Variants in LGI4 observed in about 807,000 individuals in gnomAD.
LGI4 encodes the protein leucine rich repeat LGI family member 4.
Under a neutral mutation model 48.3 loss-of-function variants are expected in LGI4, and 36 were observed. The observed-to-expected ratio is 0.75, with a 90% confidence interval of 0.57 to 0.98. LGI4 has a LOEUF of 0.98. Among genes scored for constraint, LGI4 ranks in the 50% least tolerant of loss-of-function variants. The pLI is 0.00. For synonymous variants in LGI4, 355 were observed against 331.6 expected, an observed-to-expected ratio of 1.07 and a Z score of -0.77; for missense variants, 701 against 732.1, an observed-to-expected ratio of 0.96 and a Z score of 0.49.
rs2065173424 is a variant in LGI4, at chr19:35,131,425, G to A, written c.589C>T (p.His197Tyr). Residue 197 changes from histidine to tyrosine, a missense_variant, in exon 6 of 9, where the codon CAC becomes TAC. By Grantham distance (83) the His-to-Tyr change is moderately conservative. Coordinates refer to ENST00000310123, the MANE Select transcript of LGI4 (RefSeq NM_139284.3). ...TTGAAAGTCTTGGGGTCGAGGTGGT[G>A]GAGCTGCATGTGGCTCAGGGAGGCG... is the stretch of plus-strand genomic sequence containing the variant. Reference protein sequence around the residue: ...GPASLSHMQLHHLDPKTFKCR... With the variant: ...GPASLSHMQLYHLDPKTFKCR... 1.3e-6 allele frequency: 2 copies of A among 1,552,360 alleles called. No individual in the cohort carries two copies. The highest frequency in any genetic ancestry group is 1.7e-6 in the Non-Finnish European group (2 of 1,147,220).
At chr19:35,133,534 A>C in intron 3 of LGI4, 159 bp downstream of exon 3, 2 of 1,460,780 alleles carry the variant, frequency 1.4e-6, no homozygotes, top group Non-Finnish European at 1.8e-6. Context: ...CCAAAGCATC[A>C]TCACCATTGG....
rs1409942857 is a variant in LGI4, at chr19:35,126,482, G to A, written c.1087C>T (p.Arg363Trp). 12 of 1,563,698 alleles carry A rather than the reference G, an allele frequency of 7.7e-6. No individual in the cohort carries two copies. The highest frequency in any genetic ancestry group is 3.5e-5 in the South Asian group (3 of 85,738). The change falls in exon 8 of 9, where the codon CGG (arginine) becomes TGG (tryptophan). Residue 363 changes from arginine to tryptophan, a missense_variant. Physicochemically the swap from Arg to Trp is moderately radical, Grantham distance 101. Around this residue, in one of 3 missense-constraint regions of LGI4, gnomAD observed 223 missense variants for 263.3 expected, o/e 0.85. Coordinates refer to ENST00000310123, the MANE Select transcript of LGI4 (RefSeq NM_139284.3). ...YPHQSLHAWH[R>W]DTDAEALELD... ...TCCAGGGCCTCAGCGTCCGTGTCCCGGTGCCAGGCGTGCAGGCTCTGGTGC... is the reference window on the plus strand; with the variant it reads ...TCCAGGGCCTCAGCGTCCGTGTCCCAGTGCCAGGCGTGCAGGCTCTGGTGC...
chr19:35,134,540 G>A lies in LGI4; in HGVS notation c.141C>T (p.Pro47=), dbSNP rs777246453. 4.6e-5 allele frequency: 73 copies of A among 1,584,944 alleles called. No homozygotes were observed. The highest frequency in any genetic ancestry group is 9.1e-5 in the East Asian group (4 of 43,906). The stretch of plus-strand genomic sequence containing the variant: ...ACAGCAGGGTCGGAGAGAAGCTGAC[G>A]GGCAGGTCCGGGGAGCCCTCACACA... The part of the protein sequence containing the change: ...SALCEGSPDL[P]VSFSPTLLSL... The change falls in exon 1 of 9, where the codon CCC becomes CCT. Residue 47 remains proline (P), a synonymous_variant. Transcript: ENST00000310123.
Position 35,125,405 on chromosome 19 carries a change from T to C in LGI4, c.1402A>G (p.Ile468Val). The C allele has an allele frequency of 6.2e-7, 1 of 1,611,716 alleles. No individual in the cohort carries two copies. Among genetic ancestry groups the C allele is most frequent in the Non-Finnish European group, 8.5e-7 (1 of 1,178,896 alleles). ...CTGAAGGCGAAGTCGCTGCCTAGGA[T>C]GGCCAGCTGGTCCCTGGCGATGAGC... ...PLLIARDQLAILGSDFAFSQV... is the reference protein window; with the variant it reads ...PLLIARDQLAVLGSDFAFSQV... The change falls in exon 9 of 9, where the codon ATC (isoleucine) becomes GTC (valine). Residue 468 changes from isoleucine to valine, a missense_variant. Ile to Val is a conservative substitution (Grantham distance 29). Around this residue, in one of 3 missense-constraint regions of LGI4, gnomAD observed 223 missense variants for 263.3 expected, o/e 0.85. Transcript: ENST00000310123.
chr19:35,124,917 C>G lies in LGI4; in HGVS notation c.*276G>C, dbSNP rs894731499. On this transcript the variant is annotated 3_prime_UTR_variant, in exon 9 of 9. Transcript: ENST00000310123. ...CATGCAGTGCACCAGCCTGCACCCC[C>G]CAGGTTGCCTTTGATGGGGAATCTG... 1 of 330,278 alleles carries G rather than the reference C, an allele frequency of 3.0e-6. No individual in the cohort carries two copies. The highest frequency in any genetic ancestry group is 5.5e-6 in the Non-Finnish European group (1 of 181,154). The allele number at this position is 330,278 out of a possible 1,614,324, so 20.5% of individuals were successfully genotyped here. A position where few individuals can be genotyped will look rare whatever the true frequency, so the allele number is the denominator to read the frequency against.
At chr19:35,134,360 C>A in intron 1 of LGI4, 151 bp downstream of exon 1, 1 of 837,952 alleles carries the variant, frequency 1.2e-6, no homozygotes. Context: ...TGCCAGCACC[C>A]CTCTTCAAGG....
At chr19:35,134,231 C>A in intron 1 of LGI4, 127 bp from the exon 2 acceptor site, 1 of 890,894 alleles carries the variant, frequency 1.1e-6, no homozygotes, top group Non-Finnish European at 1.8e-6. Flanking sequence ...CCCCTGCATG[C>A]CAGAGGAGGC....
intron 6 of LGI4, among the ~76,000 whole-genome samples, chr19:35,130,579 C>T (rs924249984): frequency 5.3e-5 from 8 of 152,152 alleles, no homozygotes; most frequent in Admixed American, 2.6e-4. Context: ...TGCCTGTAGT[C>T]CCAGCTATTT....
chr19:35,134,148 T>C, intron 1 of LGI4, 44 bp from the exon 2 acceptor site: 1 of 1,515,516 alleles, frequency 6.6e-7, no homozygotes, highest in Non-Finnish European at 9.0e-7. Context: ...ACCACAGCAA[T>C]ACTCCAGTTG....
intron 6 of LGI4, among the ~76,000 whole-genome samples, chr19:35,127,808 G>A (rs556982137): frequency 1.3e-5 from 2 of 152,106 alleles, no homozygotes; most frequent in Non-Finnish European, 2.9e-5. Flanking sequence ...TTTCCCCTTC[G>A]CAGATGAGAA....
rs765994713 is a variant in LGI4, at chr19:35,126,739, C to T, written c.830G>A (p.Gly277Asp). Residue 277 changes from glycine to aspartate, a missense_variant, in exon 8 of 9, where the codon GGC becomes GAC. By Grantham distance (94) the Gly-to-Asp change is moderately conservative. Around this residue, in one of 3 missense-constraint regions of LGI4, gnomAD observed 462 missense variants for 436.4 expected, o/e 1.06. Transcript: ENST00000310123. ...GGCAGCCAGCACGAAGAGGCTCGGG[C>T]CCAGCACCAGTGGCTTGCAGGACAC... ...SVVSCKPLVL[G>D]PSLFVLAARL... The T allele has an allele frequency of 6.5e-7, 1 of 1,541,158 alleles. No homozygotes were observed.
intron 5 of LGI4, 31 bp downstream of exon 5, chr19:35,131,758 C>T (rs373563054): frequency 2.6e-6 from 4 of 1,510,456 alleles, no homozygotes; most frequent in Non-Finnish European, 3.6e-6. Context: ...ATTCCCCAAC[C>T]CCCCACATTC....
At chr19:35,134,413 G>T in intron 1 of LGI4, 98 bp downstream of exon 1, 1 of 1,246,190 alleles carries the variant, frequency 8.0e-7, no homozygotes. Context: ...GATCCTGATG[G>T]GCCCCTGTTT....
At position 35,124,938 on chromosome 19, in the gene LGI4, A is replaced by C; in HGVS notation, c.*255T>G. ...CCCCCCAGGTTGCCTTTGATGGGGAATCTGCCCCAGCCGAGATGTCCAGAT... is the reference window on the plus strand; with the variant it reads ...CCCCCCAGGTTGCCTTTGATGGGGACTCTGCCCCAGCCGAGATGTCCAGAT... On this transcript the variant is annotated 3_prime_UTR_variant, in exon 9 of 9. Coordinates refer to ENST00000310123, the MANE Select transcript of LGI4 (RefSeq NM_139284.3). The C allele has an allele frequency of 2.8e-6, 1 of 355,666 alleles. No homozygotes were observed. The highest frequency in any genetic ancestry group is 4.2e-5 in the East Asian group (1 of 23,788). 22.0% of individuals were successfully genotyped at this position (355,666 alleles called of 1,614,324 possible).
rs767640790 is a variant in LGI4 at position 35,126,229 on chromosome 19, G to A, written c.1299+41C>T. On this transcript the variant is annotated intron_variant, in intron 8 of 8. Transcript: ENST00000310123. Reference sequence around the variant, plus strand: ...AGGCTTAGTGTGCAAGATTGGGTCAGTGCTGAAAAGCCAGCCCCCCGCCCC... The same window carrying A: ...AGGCTTAGTGTGCAAGATTGGGTCAATGCTGAAAAGCCAGCCCCCCGCCCC... The A allele has an allele frequency of 3.8e-6, 6 of 1,597,354 alleles. No individual in the cohort carries two copies. In the African/African-American group the frequency reaches 4.0e-5, roughly 11 times the overall value.
At position 35,130,444 on chromosome 19, in the gene LGI4, G is replaced by C. The variant is rs142190586; in HGVS notation, c.628+942C>G. 7.4e-4 allele frequency among the ~76,000 whole-genome samples: 113 copies of C among 152,216 alleles called. 2 individuals are homozygous for C. The highest frequency in any genetic ancestry group is 2.4e-3 in the African/African-American group (99 of 41,508). ...ACATGCTTGTAATCCCAGCACTTTG[G>C]GAGGCTGAGGTAGGAAGATCACTTG... On this transcript the variant is annotated intron_variant, in intron 6 of 8. Transcript: ENST00000310123.
At chr19:35,128,390 T>A (rs1028298870) in intron 6 of LGI4, among the ~76,000 whole-genome samples, 2 of 152,184 alleles carry the variant, frequency 1.3e-5, no homozygotes, top group African/African-American at 4.8e-5. Flanking sequence ...GAATCTTTTT[T>A]AAATGGCTAT....
chr19:35,125,283 G>A lies in LGI4; in HGVS notation c.1524C>T (p.Ile508=). The A allele has an allele frequency of 2.5e-6, 4 of 1,607,728 alleles. No individual in the cohort carries two copies. Among genetic ancestry groups the A allele is most frequent in the Non-Finnish European group, 3.4e-6 (4 of 1,176,142 alleles). The change falls in exon 9 of 9, where the codon ATC becomes ATT. Residue 508 remains isoleucine, a synonymous_variant. Coordinates refer to ENST00000310123, the MANE Select transcript of LGI4 (RefSeq NM_139284.3). ...ALVAPRAFAH[I]TMAGRRFLFA... ...AGAGGAAGCGTCTGCCGGCCATAGT[G>A]ATGTGGGCAAAGGCACGGGGGGCCA...
In LGI4 at chr19:35,134,736, G is replaced by T; in HGVS notation, c.-56C>A. ...CTCCCGGCCCACCCAGCTCAGCCCAGGCCACTACGTCTCCTCCTCCACCAG... is the reference window on the plus strand; with the variant it reads ...CTCCCGGCCCACCCAGCTCAGCCCATGCCACTACGTCTCCTCCTCCACCAG... On this transcript the variant is annotated 5_prime_UTR_variant, in exon 1 of 9. It adds an upstream start codon to the 5' untranslated region. Transcript: ENST00000310123. 1 of 921,806 alleles carries T rather than the reference G, an allele frequency of 1.1e-6. No homozygotes were observed. Among genetic ancestry groups the T allele is most frequent in the Non-Finnish European group, 1.6e-6 (1 of 640,988 alleles). The allele number at this position is 921,806 out of a possible 1,614,324, so 57.1% of individuals were successfully genotyped here. A position where few individuals can be genotyped will look rare whatever the true frequency, so the allele number is the denominator to read the frequency against.
Sources: gnomAD v4.1 joint callset for allele counts (sites outside exome capture counted in the v4.1 genomes callset) on GRCh38, gnomAD v4.1.1 for gene constraint, gnomAD v4.1.1 regional missense constraint, MANE v1.5 for transcripts, NCBI Gene and HGNC (gene_info 2026-07-23, HGNC 2026-07-21) for gene names.